Variants in AGPAT5 observed in about 807,000 individuals in gnomAD.
AGPAT5 encodes 1-acylglycerol-3-phosphate O-acyltransferase 5.
AGPAT5 carries 46 observed loss-of-function variants against 45.6 expected under a neutral mutation model. The observed-to-expected ratio is 1.01, with a 90% CI of 0.80 to 1.29. The LOEUF (loss-of-function observed/expected upper bound fraction) is 1.29, where lower values mean the gene tolerates loss of function less well. AGPAT5 is among the 50% of genes most tolerant of loss of function. The probability of loss-of-function intolerance (pLI) is 0.00; values close to 1 mark genes in which losing one functional copy is unlikely to be tolerated. For synonymous variants in AGPAT5, 272 were observed against 167.0 expected (o/e 1.63, Z -4.85); for missense variants, 673 against 450.7 (o/e 1.49, Z -4.47).
At chr8:6,719,989 C>G (rs189988263) in intron 1 of AGPAT5, among the ~76,000 whole-genome samples, 15 of 152,296 alleles carry the variant, frequency 9.8e-5, no homozygotes, top group African/African-American at 2.9e-4. Context: ...GTGGTTGGGA[C>G]TTTACAGAAC....
At chr8:6,747,955 T>C (rs1276948415) in intron 6 of AGPAT5, 127 bp downstream of exon 6, 2 of 969,280 alleles carry the variant, frequency 2.1e-6, no homozygotes, top group East Asian at 5.3e-5. Context: ...CCGGTATATT[T>C]TTCAAGATGT....
chr8:6,727,649 G>C (rs1800732906), intron 2 of AGPAT5, among the ~76,000 whole-genome samples: 1 of 152,230 alleles, frequency 6.6e-6, no homozygotes, highest in Non-Finnish European at 1.5e-5. Context: ...CCAAAGTGCA[G>C]GGATTACAGG....
intron 1 of AGPAT5, among the ~76,000 whole-genome samples, chr8:6,723,693 T>C (rs563261619): frequency 4.0e-4 from 61 of 152,366 alleles, no homozygotes; most frequent in African/African-American, 1.4e-3. Flanking sequence ...TAAAAACTCA[T>C]TGTGCAAATG....
intron 1 of AGPAT5, among the ~76,000 whole-genome samples, chr8:6,715,209 C>G (rs147733408): frequency 6.6e-4 from 100 of 152,236 alleles, no homozygotes; most frequent in African/African-American, 2.3e-3. Flanking sequence ...CTGTGCCATG[C>G]CAGGTTGTTT....
chr8:6,729,065 A>G (rs529778749), intron 2 of AGPAT5, among the ~76,000 whole-genome samples: 10 of 152,354 alleles, frequency 6.6e-5, no homozygotes, highest in Middle Eastern at 3.4e-3. Flanking sequence ...CATATGTATA[A>G]TAATTATAAG....
chr8:6,708,886 A>G lies in AGPAT5; in HGVS notation c.218A>G (p.Gln73Arg), dbSNP rs1185021875. Residue 73 changes from glutamine to arginine, a missense_variant and splice_region_variant, in exon 1 of 8, where the codon CAG becomes CGG. By Grantham distance (43) the Gln-to-Arg change is conservative. Coordinates refer to ENST00000285518, the MANE Select transcript of AGPAT5 (RefSeq NM_018361.5). ...TTCTTCGAGAATTACACCGGGGTCCAGGTGAGCCGCCTCCCGCTCCCGGGT... is the reference window on the plus strand; with the variant it reads ...TTCTTCGAGAATTACACCGGGGTCCGGGTGAGCCGCCTCCCGCTCCCGGGT... ...LFFFENYTGV[Q>R]ILLYGDLPKN... 5 of 1,600,564 alleles carry G rather than the reference A, an allele frequency of 3.1e-6. No homozygotes were observed. Among genetic ancestry groups the G allele is most frequent in the Non-Finnish European group, 4.3e-6 (5 of 1,174,210 alleles).
chr8:6,734,163 T>C (rs987830634), intron 4 of AGPAT5, among the ~76,000 whole-genome samples: 8 of 152,232 alleles, frequency 5.3e-5, no homozygotes, highest in South Asian at 2.1e-4. Context: ...CCTTAAATAT[T>C]ATTCCTACCC....
At chr8:6,717,973 C>T (rs1800385759) in intron 1 of AGPAT5, among the ~76,000 whole-genome samples, 1 of 152,204 alleles carries the variant, frequency 6.6e-6, no homozygotes, top group African/African-American at 2.4e-5. Flanking sequence ...TCCTATTTCT[C>T]TGCCATTCCG....
chr8:6,754,186 G>A (rs1332140795), intron 6 of AGPAT5, among the ~76,000 whole-genome samples: 1 of 152,180 alleles, frequency 6.6e-6, no homozygotes, highest in East Asian at 1.9e-4. Flanking sequence ...AAAGAAGGGA[G>A]TTTCTAGTCT....
At chr8:6,717,680 C>G (rs982392968) in intron 1 of AGPAT5, among the ~76,000 whole-genome samples, 1 of 152,292 alleles carries the variant, frequency 6.6e-6, no homozygotes, top group South Asian at 2.1e-4. Context: ...GGTGGTTCAC[C>G]TAAAAGTTGG....
At chr8:6,744,873 C>T (rs530678350) in intron 5 of AGPAT5, among the ~76,000 whole-genome samples, 5 of 152,208 alleles carry the variant, frequency 3.3e-5, no homozygotes, top group African/African-American at 9.6e-5. Context: ...CCCTTGGCAA[C>T]CCTGTTTGTT....
At chr8:6,753,631 G>A (rs73508300) in intron 6 of AGPAT5, among the ~76,000 whole-genome samples, 388 of 152,264 alleles carry the variant, frequency 2.5e-3, no homozygotes, top group African/African-American at 8.7e-3. Context: ...GGTTACCCCA[G>A]AGGTGGAGAT....
intron 7 of AGPAT5, among the ~76,000 whole-genome samples, chr8:6,756,748 A>G (rs1008509776): frequency 6.6e-6 from 1 of 152,112 alleles, no homozygotes; most frequent in Non-Finnish European, 1.5e-5. Context: ...CCCCCTGTCG[A>G]TACAGAGGGA....
At chr8:6,715,454 AAC>A (rs1443609527) in intron 1 of AGPAT5, among the ~76,000 whole-genome samples, 1 of 152,218 alleles carries the variant, frequency 6.6e-6, no homozygotes, top group East Asian at 1.9e-4. Flanking sequence ...GTGGGTTAGT[AAC>A]ACACTCAGTC....
In AGPAT5 at chr8:6,747,870, T is replaced by TGTG. The variant is rs778704678; in HGVS notation, c.745+42_745+43insGTG. The stretch of plus-strand genomic sequence containing the variant: ...ACCTGAAATGCCTGTACACGGTATA[T>TGTG]ACAGTGCACATGTTTATGTAGAATT... On this transcript the variant is annotated intron_variant, in intron 6 of 7. Coordinates refer to ENST00000285518, the MANE Select transcript of AGPAT5 (RefSeq NM_018361.5). 1.9e-6 allele frequency: 3 copies of TGTG among 1,574,650 alleles called. No homozygotes were observed. In the East Asian group the frequency reaches 6.8e-5, roughly 36 times the overall value.
intron 4 of AGPAT5, among the ~76,000 whole-genome samples, chr8:6,740,190 C>G (rs1801200176): frequency 6.6e-6 from 1 of 151,940 alleles, no homozygotes; most frequent in Non-Finnish European, 1.5e-5. Context: ...GAGTTATTAA[C>G]CTGAGAAATA....
intron 5 of AGPAT5, among the ~76,000 whole-genome samples, chr8:6,742,998 C>G (rs752143705): frequency 3.3e-5 from 5 of 152,206 alleles, no homozygotes; most frequent in Non-Finnish European, 5.9e-5. Flanking sequence ...ACAAAAACCA[C>G]TCTCGAATCT....
In AGPAT5 at chr8:6,724,880, A is replaced by G. The variant is rs17077958; in HGVS notation, c.230A>G (p.Tyr77Cys). The G allele has an allele frequency of 1.9e-6, 2 of 1,077,220 alleles. No individual in the cohort carries two copies. Among genetic ancestry groups the G allele is most frequent in the African/African-American group, 1.6e-5 (1 of 61,072 alleles). The allele number at this position is 1,077,220 out of a possible 1,614,324, so 66.7% of individuals were successfully genotyped here. The change falls in exon 2 of 8, where the codon TAT becomes TGT. Residue 77 changes from tyrosine (Y) to cysteine (C), a missense_variant. Tyr to Cys is a radical substitution (Grantham distance 194, BLOSUM62 -2). Coordinates refer to ENST00000285518, the MANE Select transcript of AGPAT5 (RefSeq NM_018361.5). Reference sequence around the variant, plus strand: ...TGTTTTATCTTTTAGATATTGCTATATGGAGATTTGCCAAAAAATAAAGAA... The same window carrying G: ...TGTTTTATCTTTTAGATATTGCTATGTGGAGATTTGCCAAAAAATAAAGAA... Reference protein sequence around the residue: ...ENYTGVQILLYGDLPKNKENI... With the variant: ...ENYTGVQILLCGDLPKNKENI...
chr8:6,721,667 T>C (rs1171243672), intron 1 of AGPAT5, among the ~76,000 whole-genome samples: 1 of 152,186 alleles, frequency 6.6e-6, no homozygotes, highest in Non-Finnish European at 1.5e-5. Context: ...TTGAAGTCCA[T>C]TACTTTAGAA....
Sources: gnomAD v4.1 joint callset for allele counts (sites outside exome capture counted in the v4.1 genomes callset) on GRCh38, gnomAD v4.1.1 for gene constraint, MANE v1.5 for transcripts, NCBI Gene and HGNC (gene_info 2026-07-23, HGNC 2026-07-21) for gene names.